MYO9A: variants seen among roughly 807,000 people sequenced by gnomAD.
MYO9A encodes the protein myosin IXA.
Under a neutral mutation model 293.3 loss-of-function variants are expected in MYO9A, and 103 were observed. The observed-to-expected ratio is 0.35, with a 90% CI of 0.30 to 0.41. The LOEUF is 0.41. MYO9A is among the 10% of genes least tolerant of loss of function. MYO9A has a pLI of 1.00. For synonymous variants in MYO9A, 1,001 were observed against 1,035.7 expected (o/e 0.97, Z 0.64); for missense variants, 2,685 against 3,033.0 (o/e 0.89, Z 2.69).
rs11368306 is a variant in MYO9A at position 71,825,995 on chromosome 15, GTTTTT to G, written c.*580_*584del. The G allele has an allele frequency of 8.7e-5, 8 of 91,520 alleles. No individual in the cohort carries two copies. The highest frequency in any genetic ancestry group is 3.1e-4 in the African/African-American group (7 of 22,732). The allele number at this position is 91,520 out of a possible 1,614,324, so 5.7% of individuals were successfully genotyped here. A position where few individuals can be genotyped will look rare whatever the true frequency, so the allele number is the denominator to read the frequency against. Reference sequence around the variant, plus strand: ...ATGGAAACAATCACGGTTTTTTTTTGTTTTTTTTTTTTTGTTTTTTTTTTTTGTTT... The same window carrying G: ...ATGGAAACAATCACGGTTTTTTTTTGTTTTTTTTGTTTTTTTTTTTTGTTT... On this transcript the variant is annotated 3_prime_UTR_variant, in exon 42 of 42. Transcript: ENST00000356056.
chr15:71,933,370 G>A (rs1314068711), intron 18 of MYO9A, among the ~76,000 whole-genome samples: 4 of 151,916 alleles, frequency 2.6e-5, no homozygotes, highest in African/African-American at 9.7e-5. Context: ...ACCTTAACTT[G>A]GCTCAAGGAG....
chr15:72,058,571 AG>A (rs1456088901), intron 1 of MYO9A, among the ~76,000 whole-genome samples: 1 of 152,246 alleles, frequency 6.6e-6, no homozygotes, highest in Non-Finnish European at 1.5e-5. Flanking sequence ...ATACACGTAA[AG>A]AACTAAGCAC....
chr15:71,988,204 CT>C (rs2076451743), intron 11 of MYO9A, among the ~76,000 whole-genome samples: 2 of 152,196 alleles, frequency 1.3e-5, no homozygotes, highest in South Asian at 4.1e-4. Context: ...TTCCCTCACC[CT>C]TCTAACACAT....
chr15:72,081,957 GT>G (rs1396656710), intron 1 of MYO9A, among the ~76,000 whole-genome samples: 1 of 152,098 alleles, frequency 6.6e-6, no homozygotes. Flanking sequence ...ACAGTTTGAA[GT>G]CTGGTAGATG....
At chr15:72,056,568 G>A (rs923750666) in intron 1 of MYO9A, among the ~76,000 whole-genome samples, 9 of 152,360 alleles carry the variant, frequency 5.9e-5, no homozygotes, top group African/African-American at 1.9e-4. Flanking sequence ...GAATGACACA[G>A]TGAACTTTGG....
At chr15:72,003,463 G>A (rs775908457) in intron 8 of MYO9A, among the ~76,000 whole-genome samples, 4 of 151,896 alleles carry the variant, frequency 2.6e-5, no homozygotes, top group Non-Finnish European at 5.9e-5. Flanking sequence ...TTGGAAGGCC[G>A]AGACGGGCAG....
chr15:72,102,090 G>A (rs933773683), intron 1 of MYO9A, among the ~76,000 whole-genome samples: 5 of 151,242 alleles, frequency 3.3e-5, no homozygotes, highest in South Asian at 4.2e-4. Context: ...GATGGTTGCC[G>A]TGTCTGTGTA....
chr15:72,005,583 A>G (rs2076993095), intron 8 of MYO9A, among the ~76,000 whole-genome samples: 1 of 152,206 alleles, frequency 6.6e-6, no homozygotes, highest in South Asian at 2.1e-4. Context: ...CTCCTGGTAG[A>G]ACTTCTTTCC....
chr15:71,939,305 G>A (rs931074903), intron 15 of MYO9A, among the ~76,000 whole-genome samples: 1 of 152,076 alleles, frequency 6.6e-6, no homozygotes, highest in African/African-American at 2.4e-5. Flanking sequence ...ATTTCACCCA[G>A]GTACTAAGCC....
chr15:71,969,992 C>A (rs191592495), intron 12 of MYO9A, among the ~76,000 whole-genome samples: 141 of 152,236 alleles, frequency 9.3e-4, no homozygotes, highest in African/African-American at 3.1e-3. Flanking sequence ...AGGGAGATGA[C>A]CTAGCATCAG....
At chr15:72,055,361 G>A (rs975932829) in intron 1 of MYO9A, among the ~76,000 whole-genome samples, 1 of 152,132 alleles carries the variant, frequency 6.6e-6, no homozygotes, top group Non-Finnish European at 1.5e-5. Flanking sequence ...TCTAAGACCT[G>A]AATAAAAATT....
In MYO9A at chr15:71,951,765, T is replaced by G; in HGVS notation, c.2302+12A>C. The G allele has an allele frequency of 6.2e-7, 1 of 1,613,716 alleles. No individual in the cohort carries two copies. On this transcript the variant is annotated intron_variant, in intron 15 of 41. Coordinates refer to ENST00000356056, the MANE Select transcript of MYO9A (RefSeq NM_006901.4). The stretch of plus-strand genomic sequence containing the variant: ...ATATGTGATAACAGTTTATCAGGAT[T>G]TGTAGCCTTACTGTACTTCTCTTCC...
chr15:72,011,109 A>G (rs927402332), intron 6 of MYO9A, among the ~76,000 whole-genome samples: 3 of 151,778 alleles, frequency 2.0e-5, no homozygotes, highest in African/African-American at 7.3e-5. Flanking sequence ...TCCCGGGCTC[A>G]GGTGATTCTC....
intron 4 of MYO9A, among the ~76,000 whole-genome samples, chr15:72,022,795 C>T (rs2077542321): frequency 6.6e-6 from 1 of 151,998 alleles, no homozygotes; most frequent in Non-Finnish European, 1.5e-5. Flanking sequence ...GGTGATCTAC[C>T]CATCTTGGCC....
intron 3 of MYO9A, among the ~76,000 whole-genome samples, chr15:72,028,512 T>C (rs1303121125): frequency 3.3e-5 from 5 of 151,198 alleles, no homozygotes; most frequent in Middle Eastern, 3.4e-3. Flanking sequence ...CCAGGCATGG[T>C]GGTGCACGCC....
At chr15:72,032,347 C>A (rs1189828534) in intron 3 of MYO9A, 147 bp downstream of exon 3, 1 of 486,492 alleles carries the variant, frequency 2.1e-6, no homozygotes, top group Non-Finnish European at 3.5e-6. Flanking sequence ...GAGGTTTTAA[C>A]TTTTCCAAAA....
chr15:71,923,808 T>C (rs2058218747), intron 18 of MYO9A, among the ~76,000 whole-genome samples: 1 of 152,178 alleles, frequency 6.6e-6, no homozygotes, highest in African/African-American at 2.4e-5. Context: ...TTAATTTCAT[T>C]AACGTTTTGT....
intron 6 of MYO9A, 45 bp downstream of exon 6, chr15:72,018,994 G>A (rs372440061): frequency 2.7e-6 from 4 of 1,501,860 alleles, no homozygotes; most frequent in East Asian, 2.3e-5. Context: ...CGCAATGTGA[G>A]GACCCTTTGA....
intron 26 of MYO9A, 87 bp downstream of exon 26, chr15:71,893,592 G>A (rs1306097312): frequency 1.0e-6 from 1 of 999,848 alleles, no homozygotes; most frequent in Non-Finnish European, 1.5e-6. Flanking sequence ...GGGTAGATGA[G>A]GTGCTCTACC....
Sources: gnomAD v4.1 joint callset for allele counts (sites outside exome capture counted in the v4.1 genomes callset) on GRCh38, gnomAD v4.1.1 for gene constraint, MANE v1.5 for transcripts, NCBI Gene and HGNC (gene_info 2026-07-23, HGNC 2026-07-21) for gene names.